The following TNNT2 variants were observed in gnomAD, a reference collection of about 807,000 sequenced individuals.
TNNT2 encodes the protein troponin T2, cardiac type.
TNNT2 carries 34 observed loss-of-function variants against 62.4 expected under a neutral mutation model. That is an observed-to-expected ratio of 0.54 (90% CI 0.41 to 0.72). TNNT2 has a LOEUF of 0.72. TNNT2 is among the 30% of genes least tolerant of loss of function. The pLI is 0.00. For missense variants in TNNT2, 275 were observed against 381.9 expected (o/e 0.72, Z 2.33); for synonymous variants, 123 against 127.2 (o/e 0.97, Z 0.22).
At chr1:201,365,421 C>T in intron 9 of TNNT2, 114 bp from the exon 10 acceptor site, 2 of 1,216,578 alleles carry the variant, frequency 1.6e-6, no homozygotes, top group South Asian at 1.2e-5. Context: ...GGGCCTGGCG[C>T]CTGGCCAGGG....
chr1:201,369,488 C>T (rs1040713111), intron 5 of TNNT2: 8 of 500,606 alleles, frequency 1.6e-5, no homozygotes, highest in African/African-American at 5.8e-5. Context: ...GGCAGGGTGG[C>T]GCTGCTGTCT....
At chr1:201,377,569 T>A (rs540714758) in intron 1 of TNNT2, 54 bp downstream of exon 1, 1 of 456,106 alleles carries the variant, frequency 2.2e-6, no homozygotes, top group African/African-American at 2.0e-5. Flanking sequence ...GACCCTCACA[T>A]CTCCCCGTCC....
intron 2 of TNNT2, 33 bp from the exon 3 acceptor site, chr1:201,372,188 G>A (rs780430296): frequency 1.1e-5 from 17 of 1,613,794 alleles, no homozygotes; most frequent in East Asian, 4.5e-5. Flanking sequence ...TCAGTAGCTC[G>A]CACACAAGCA....
intron 12 of TNNT2, among the ~76,000 whole-genome samples, chr1:201,362,760 G>A (rs1210675027): frequency 6.6e-6 from 1 of 152,216 alleles, no homozygotes; most frequent in African/African-American, 2.4e-5. Context: ...GGACCTAGGA[G>A]GAATGGGGCA....
chr1:201,367,546 C>A (rs184299484), intron 7 of TNNT2: 4 of 632,726 alleles, frequency 6.3e-6, no homozygotes. Flanking sequence ...GACAATGGTC[C>A]CCTCTCCCAC....
chr1:201,375,577 G>A (rs904638988), intron 1 of TNNT2, among the ~76,000 whole-genome samples: 1 of 152,142 alleles, frequency 6.6e-6, no homozygotes, highest in South Asian at 2.1e-4. Flanking sequence ...CTCCAAATAG[G>A]TCTTAGGATG....
chr1:201,364,508 C>T (rs1025856087), intron 10 of TNNT2, 133 bp from the exon 11 acceptor site: 13 of 969,042 alleles, frequency 1.3e-5, no homozygotes, highest in Non-Finnish European at 1.9e-5. Flanking sequence ...CAATGGTGCC[C>T]GGCCTCCAAG....
At chr1:201,364,214 T>C in intron 11 of TNNT2, 84 bp downstream of exon 11, 2 of 1,360,514 alleles carry the variant, frequency 1.5e-6, no homozygotes, top group Non-Finnish European at 2.0e-6. Flanking sequence ...TTCATTCATG[T>C]TGATGAATAG....
chr1:201,362,215 C>T (rs1014566506), intron 13 of TNNT2, 171 bp downstream of exon 13: 14 of 1,270,224 alleles, frequency 1.1e-5, no homozygotes, highest in East Asian at 2.5e-5. Context: ...AGAAGGATCA[C>T]GTCAGTCTCT....
chr1:201,365,523 C>G lies in TNNT2; in HGVS notation c.294+87G>C, dbSNP rs1221665054. 3.4e-6 allele frequency: 5 copies of G among 1,482,628 alleles called. No individual in the cohort carries two copies. In the Admixed American group the frequency reaches 8.7e-5, roughly 26 times the overall value. The allele number at this position is 1,482,628 out of a possible 1,614,324, so 91.8% of individuals were successfully genotyped here. A position where few individuals can be genotyped will look rare whatever the true frequency, so the allele number is the denominator to read the frequency against. On this transcript the variant is annotated intron_variant, in intron 9 of 16. Coordinates refer to ENST00000656932, the MANE Select transcript of TNNT2 (RefSeq NM_001276345.2). ...CACCCCATCCCACCTATGCTCTACC[C>G]CAGCCCAAGGTCACAAAATCTCTGT...
chr1:201,367,062 C>A (rs1659794997), intron 7 of TNNT2, 191 bp from the exon 8 acceptor site: 1 of 819,010 alleles, frequency 1.2e-6, no homozygotes, highest in Admixed American at 2.0e-5. Context: ...AGATGCCACA[C>A]TCCCCCTCCC....
intron 2 of TNNT2, among the ~76,000 whole-genome samples, chr1:201,372,759 G>A (rs952310524): frequency 3.3e-5 from 5 of 152,180 alleles, no homozygotes; most frequent in African/African-American, 1.2e-4. Flanking sequence ...CCACCCCCTG[G>A]TTTCCCTCTG....
At position 201,366,521 on chromosome 1, in the gene TNNT2, C is replaced by T. The variant is rs7544061; in HGVS notation, c.233+317G>A. ...TTCCCTTAATCCCAAGGTCCCACCTCGGCCATGGAGGAGGGTGTTCTGGCC... is the reference window on the plus strand; with the variant it reads ...TTCCCTTAATCCCAAGGTCCCACCTTGGCCATGGAGGAGGGTGTTCTGGCC... On this transcript the variant is annotated intron_variant, in intron 8 of 16. Coordinates refer to ENST00000656932, the MANE Select transcript of TNNT2 (RefSeq NM_001276345.2). 0.11 allele frequency: 131,862 copies of T among 1,240,788 alleles called. 8,712 individuals carry two copies. Among genetic ancestry groups the T allele is most frequent in the African/African-American group, 0.29 (18,927 of 65,196 alleles). The allele number at this position is 1,240,788 out of a possible 1,614,324, so 76.9% of individuals were successfully genotyped here.
At chr1:201,361,080 C>T (rs1389861495) in intron 15 of TNNT2, 199 bp downstream of exon 15, 3 of 695,674 alleles carry the variant, frequency 4.3e-6, no homozygotes, top group Non-Finnish European at 7.9e-6. Flanking sequence ...AGCTCTCAGA[C>T]ACTTCCAGCA....
intron 1 of TNNT2, 142 bp downstream of exon 1, chr1:201,377,481 G>A (rs558305396): frequency 4.4e-6 from 2 of 454,096 alleles, no homozygotes; most frequent in South Asian, 1.6e-5. Context: ...CCTGTCCTCT[G>A]AAGTGTGGCC....
chr1:201,368,450 C>T, intron 5 of TNNT2: 1 of 625,580 alleles, frequency 1.6e-6, no homozygotes, highest in East Asian at 3.4e-5. Flanking sequence ...GGCAACCTCC[C>T]TGATGATGGG....
Position 201,368,413 on chromosome 1 carries a change from G to A in TNNT2, c.98-186C>T, listed in dbSNP as rs576888252. The A allele has an allele frequency of 7.3e-5, 49 of 674,596 alleles. No homozygotes were observed. Among genetic ancestry groups the A allele is most frequent in the Admixed American group, 1.8e-4 (9 of 48,662 alleles). 41.8% of individuals were successfully genotyped at this position (674,596 alleles called of 1,614,324 possible). A position where few individuals can be genotyped will look rare whatever the true frequency, so the allele number is the denominator to read the frequency against. On this transcript the variant is annotated intron_variant, in intron 5 of 16. Transcript: ENST00000656932. ...TGGTTTTGACTGTCGGCTACCTCCC[G>A]CCACCCAGCTTAGCCCCACTCATCC...
intron 2 of TNNT2, among the ~76,000 whole-genome samples, chr1:201,372,607 G>GC (rs1166862048): frequency 6.6e-6 from 1 of 152,040 alleles, no homozygotes; most frequent in African/African-American, 2.4e-5. Context: ...TCCACACCAG[G>GC]CCCCCAGTTG....
At chr1:201,365,330 C>G (rs1450437452) in intron 9 of TNNT2, 23 bp from the exon 10 acceptor site, 1 of 1,592,984 alleles carries the variant, frequency 6.3e-7, no homozygotes, top group South Asian at 1.1e-5. Flanking sequence ...CGCTGCGGCT[C>G]AGAGGCTGCC....
Sources: gnomAD v4.1 joint callset for allele counts (sites outside exome capture counted in the v4.1 genomes callset) on GRCh38, gnomAD v4.1.1 for gene constraint, MANE v1.5 for transcripts, NCBI Gene and HGNC (gene_info 2026-07-23, HGNC 2026-07-21) for gene names.